Variants in TRPM2 observed in about 807,000 individuals in gnomAD.
TRPM2 encodes transient receptor potential cation channel subfamily M member 2.
Under a neutral mutation model 174.0 loss-of-function variants are expected in TRPM2, and 161 were observed. That is an observed-to-expected ratio of 0.93 (90% CI 0.81 to 1.05). TRPM2 has a LOEUF of 1.05. Ranked by LOEUF, TRPM2 falls within the 50% of genes least tolerant of loss-of-function variation. TRPM2 has a pLI of 0.00. For missense variants in TRPM2, 2,057 were observed against 2,038.0 expected (o/e 1.01, Z -0.18); for synonymous variants, 954 against 861.3 (o/e 1.11, Z -1.88).
intron 28 of TRPM2, 75 bp downstream of exon 28, chr21:44,435,292 G>A: frequency 6.5e-7 from 1 of 1,533,196 alleles, no homozygotes; most frequent in Middle Eastern, 2.1e-4. Context: ...GGCTGCCATT[G>A]CCCAGTGCTC....
Position 44,439,272 on chromosome 21 carries a change from G to T in TRPM2, c.4269+104G>T. The T allele has an allele frequency of 9.6e-7, 1 of 1,040,836 alleles. No individual in the cohort carries two copies. The highest frequency in any genetic ancestry group is 1.4e-6 in the Non-Finnish European group (1 of 695,052). The allele number at this position is 1,040,836 out of a possible 1,614,324, so 64.5% of individuals were successfully genotyped here. On this transcript the variant is annotated intron_variant, in intron 30 of 31. Coordinates refer to ENST00000397928, the MANE Select transcript of TRPM2 (RefSeq NM_003307.4). The surrounding 1 kb of genome is among the most constrained non-coding windows in gnomAD (Gnocchi z 5.1). ...TGCCCCAGCACCACTGGGTGGCAGC[G>T]GTCCCACCCAGCTTCACCAGGTGAC... is the stretch of plus-strand genomic sequence containing the variant.
chr21:44,434,893 C>T (rs1289565779), intron 27 of TRPM2, among the ~76,000 whole-genome samples: 1 of 152,136 alleles, frequency 6.6e-6, no homozygotes, highest in Non-Finnish European at 1.5e-5. Context: ...CTTCTGCTCC[C>T]AGGGAGACCC....
chr21:44,424,852 G>A lies in TRPM2; in HGVS notation c.3550G>A (p.Val1184Met). 1.3e-6 allele frequency: 2 copies of A among 1,593,268 alleles called. No homozygotes were observed. Among genetic ancestry groups the A allele is most frequent in the Non-Finnish European group, 1.7e-6 (2 of 1,170,118 alleles). Residue 1184 changes from valine (V) to methionine (M), a missense_variant and splice_region_variant, in exon 24 of 32, where the codon GTG (valine) becomes ATG (methionine). Val to Met is a conservative substitution (Grantham distance 21). Transcript: ENST00000397928. ...CTGTGTCTCGGGCCATGCCTTCCAG[G>A]TGGCCCAGACAGCCCAAGCCCTGCA... The part of the protein sequence containing the change: ...EQRLASLEEQ[V>M]AQTAQALHWI...
chr21:44,404,416 T>C (rs1188201638), intron 16 of TRPM2, among the ~76,000 whole-genome samples: 1 of 152,132 alleles, frequency 6.6e-6, no homozygotes, highest in Non-Finnish European at 1.5e-5. Context: ...TATTCACACG[T>C]ATACACACAT....
At position 44,441,711 on chromosome 21, in the gene TRPM2, C is replaced by T. The variant is rs374055331; in HGVS notation, c.4406C>T (p.Ser1469Leu). Residue 1469 changes from serine to leucine, a missense_variant, in exon 32 of 32, where the codon TCG becomes TTG. Coordinates refer to ENST00000397928, the MANE Select transcript of TRPM2 (RefSeq NM_003307.4). Reference protein sequence around the residue: ...RLNSNLHACDSGASIRWQVVD... With the variant: ...RLNSNLHACDLGASIRWQVVD... ...TTCCAGAACCTGCACGCCTGCGACTCGGGGGCCTCCATCCGATGGCAGGTG... is the reference window on the plus strand; with the variant it reads ...TTCCAGAACCTGCACGCCTGCGACTTGGGGGCCTCCATCCGATGGCAGGTG... 1.1e-4 allele frequency: 180 copies of T among 1,611,184 alleles called. No individual in the cohort carries two copies. Among genetic ancestry groups the T allele is most frequent in the Non-Finnish European group, 1.4e-4 (170 of 1,178,990 alleles).
At chr21:44,401,353 C>A (rs901101194) in intron 15 of TRPM2, among the ~76,000 whole-genome samples, 3 of 152,180 alleles carry the variant, frequency 2.0e-5, no homozygotes, top group Non-Finnish European at 4.4e-5. Context: ...GGGGCCCACC[C>A]AAGGCTGGGC....
chr21:44,406,739 T>C lies in TRPM2; in HGVS notation c.2936T>C (p.Phe979Ser). 1 of 1,606,978 alleles carries C rather than the reference T, an allele frequency of 6.2e-7. No individual in the cohort carries two copies. The highest frequency in any genetic ancestry group is 8.5e-7 in the Non-Finnish European group (1 of 1,178,464). The change falls in exon 19 of 32, where the codon TTC (phenylalanine) becomes TCC (serine). Residue 979 changes from phenylalanine to serine, a missense_variant. Physicochemically the swap from Phe to Ser is radical, Grantham distance 155. Coordinates refer to ENST00000397928, the MANE Select transcript of TRPM2 (RefSeq NM_003307.4). The stretch of plus-strand genomic sequence containing the variant: ...GTCTACCACTCCTACCTCACCATCT[T>C]CGGGCAGATCCCGGGCTACATCGAC... ...GAVYHSYLTI[F>S]GQIPGYIDGV... is the part of the protein sequence containing the mutation.
rs576469493 is a variant in TRPM2, at chr21:44,405,590, C to T, written c.2658-315C>T. 3.9e-5 allele frequency among the ~76,000 whole-genome samples: 6 copies of T among 152,274 alleles called. No homozygotes were observed. In the South Asian group the frequency reaches 1.2e-3, roughly 32 times the overall value. ...CTGCCTCCCTACTGTGGGCTCACTGCACTGCCTGTGATGCTCTCGTGTCTC... is the reference window on the plus strand; with the variant it reads ...CTGCCTCCCTACTGTGGGCTCACTGTACTGCCTGTGATGCTCTCGTGTCTC... On this transcript the variant is annotated intron_variant, in intron 17 of 31. Coordinates refer to ENST00000397928, the MANE Select transcript of TRPM2 (RefSeq NM_003307.4).
At chr21:44,418,147 AC>A in intron 21 of TRPM2, 39 bp downstream of exon 21, 1 of 1,583,224 alleles carries the variant, frequency 6.3e-7, no homozygotes. Context: ...TGTCCTGGCC[AC>A]CCGGGTGCAG....
intron 2 of TRPM2, among the ~76,000 whole-genome samples, chr21:44,362,893 C>T (rs2048256714): frequency 2.0e-5 from 3 of 152,150 alleles, no homozygotes; most frequent in African/African-American, 4.8e-5. Flanking sequence ...CCTGCCTCAG[C>T]GTCCCGAGTG....
At chr21:44,410,991 G>T (rs536801653) in intron 19 of TRPM2, among the ~76,000 whole-genome samples, 2 of 146,902 alleles carry the variant, frequency 1.4e-5, no homozygotes, top group Admixed American at 1.4e-4. Flanking sequence ...CTGTCTTGGT[G>T]AGCGTAGCCT....
intron 31 of TRPM2, 135 bp downstream of exon 31, chr21:44,441,040 G>A: frequency 2.7e-6 from 2 of 744,308 alleles, no homozygotes; most frequent in Middle Eastern, 3.5e-4. Context: ...TGGCCTCCGG[G>A]GAGAGGGAAG....
chr21:44,404,935 A>G (rs1251148539), intron 16 of TRPM2, among the ~76,000 whole-genome samples: 1 of 129,080 alleles, frequency 7.7e-6, no homozygotes, highest in African/African-American at 2.6e-5. Flanking sequence ...AGTGACAGTG[A>G]TAGTGATGAT....
intron 9 of TRPM2, among the ~76,000 whole-genome samples, chr21:44,386,959 G>A (rs2049034445): frequency 6.6e-6 from 1 of 152,228 alleles, no homozygotes; most frequent in Non-Finnish European, 1.5e-5. Context: ...GGAGGCCAAA[G>A]TGGGCTGATT....
chr21:44,413,996 G>A lies in TRPM2; in HGVS notation c.3068G>A (p.Trp1023Ter), dbSNP rs1202157922. The A allele has an allele frequency of 6.2e-7, 1 of 1,613,698 alleles. No homozygotes were observed. Among genetic ancestry groups the A allele is most frequent in the African/African-American group, 1.3e-5 (1 of 74,910 alleles). ...ATQQRPAFPE[W>*]LTVLLLCLYL... ...CAGCAGAGGCCGGCCTTCCCTGAGTGGCTGACGGTCCTCCTACTCTGCCTC... is the reference window on the plus strand; with the variant it reads ...CAGCAGAGGCCGGCCTTCCCTGAGTAGCTGACGGTCCTCCTACTCTGCCTC... Residue 1023 changes from tryptophan (W) to a stop codon, truncating the protein, a stop_gained, in exon 20 of 32, where the codon TGG (tryptophan) becomes TAG (stop). Transcript: ENST00000397928. LOFTEE classifies it high-confidence loss of function.
chr21:44,406,144 T>A (rs1569076577), intron 18 of TRPM2, 107 bp downstream of exon 18: 4 of 1,412,694 alleles, frequency 2.8e-6, no homozygotes. Context: ...AACACACCTG[T>A]AGGTTCCCCG....
At chr21:44,441,054 G>A (rs908586119) in intron 31 of TRPM2, 149 bp downstream of exon 31, 3 of 699,298 alleles carry the variant, frequency 4.3e-6, no homozygotes, top group Non-Finnish European at 7.5e-6. Context: ...AGGGAAGGCG[G>A]GGACCGGGGT....
At chr21:44,405,015 A>G (rs879161684) in intron 16 of TRPM2, 127 bp from the exon 17 acceptor site, 2 of 1,041,858 alleles carry the variant, frequency 1.9e-6, no homozygotes, top group South Asian at 2.8e-5. Context: ...TAGTGATGAT[A>G]GTGACAGTGA....
In TRPM2 at chr21:44,432,191, C is replaced by T. The variant is rs752354; in HGVS notation, c.3975-2940C>T. Among the ~76,000 whole-genome samples, 18,336 of 152,186 alleles carry T rather than the reference C, an allele frequency of 0.12. 2,710 individuals carry two copies. The highest frequency in any genetic ancestry group is 0.35 in the African/African-American group (14,515 of 41,458). ...GGGGGGCTTAACAGAAATGGATTAT[C>T]TCACAGTTCTGAGGGCCAGGAGTCT... On this transcript the variant is annotated intron_variant, in intron 27 of 31. Transcript: ENST00000397928. The surrounding 1 kb of genome is among the most constrained non-coding windows in gnomAD (Gnocchi z 4.9).
Sources: allele counts gnomAD v4.1 joint callset (sites outside exome capture counted in the v4.1 genomes callset), GRCh38; gene constraint gnomAD v4.1.1; non-coding constraint Gnocchi (gnomAD v3.1); transcripts MANE v1.5; gene names NCBI Gene and HGNC (gene_info 2026-07-23, HGNC 2026-07-21).